Variants in CACNG2 observed in about 807,000 individuals in gnomAD.
CACNG2 encodes voltage-dependent calcium channel gamma-2 subunit.
A neutral mutation model predicts 25.9 loss-of-function variants in CACNG2; 3 were observed. That is an observed-to-expected ratio of 0.12 (90% confidence interval 0.05 to 0.30). The LOEUF (loss-of-function observed/expected upper bound fraction) is 0.30, where lower values mean the gene tolerates loss of function less well. Among genes scored for constraint, CACNG2 ranks in the 10% least tolerant of loss-of-function variants. The probability of loss-of-function intolerance (pLI) is 1.00; values close to 1 mark genes in which losing one functional copy is unlikely to be tolerated. For synonymous variants in CACNG2, 167 were observed against 173.3 expected (o/e 0.96, Z 0.29); for missense variants, 341 against 432.5 (o/e 0.79, Z 1.88).
intron 1 of CACNG2, among the ~76,000 whole-genome samples, chr22:36,655,012 GC>G (rs1936682654): frequency 6.6e-6 from 1 of 152,026 alleles, no homozygotes; most frequent in African/African-American, 2.4e-5. Flanking sequence ...ACTAAGCGGA[GC>G]TGTGATTTGG....
intron 1 of CACNG2, among the ~76,000 whole-genome samples, chr22:36,605,090 T>C (rs1935811583): frequency 6.6e-6 from 1 of 152,136 alleles, no homozygotes; most frequent in African/African-American, 2.4e-5. Flanking sequence ...TAACTTTTTT[T>C]TTGAGACAGA....
At chr22:36,698,593 C>T (rs1415830886) in intron 1 of CACNG2, among the ~76,000 whole-genome samples, 1 of 152,142 alleles carries the variant, frequency 6.6e-6, no homozygotes, top group African/African-American at 2.4e-5. Flanking sequence ...ACTTCTTGCT[C>T]AAAGAGAACA....
At chr22:36,686,950 A>G (rs991083243) in intron 1 of CACNG2, among the ~76,000 whole-genome samples, 1 of 152,220 alleles carries the variant, frequency 6.6e-6, no homozygotes. Context: ...AGATTTCCCT[A>G]TAGCTAATGT....
chr22:36,596,598 A>G (rs1486128617), intron 1 of CACNG2, among the ~76,000 whole-genome samples: 1 of 152,122 alleles, frequency 6.6e-6, no homozygotes, highest in Admixed American at 6.5e-5. Flanking sequence ...GAGATGAAGT[A>G]AGTGGTCTGT....
At chr22:36,604,652 A>T (rs1017730266) in intron 1 of CACNG2, among the ~76,000 whole-genome samples, 1 of 152,234 alleles carries the variant, frequency 6.6e-6, no homozygotes, top group Admixed American at 6.5e-5. Flanking sequence ...CAAAAAGATG[A>T]TGGCACACTG....
At chr22:36,607,726 T>A (rs1428329504) in intron 1 of CACNG2, among the ~76,000 whole-genome samples, 1 of 152,184 alleles carries the variant, frequency 6.6e-6, no homozygotes, top group Non-Finnish European at 1.5e-5. Context: ...GACACACCCC[T>A]GCTCAGAAAT....
In CACNG2 at chr22:36,624,929, G is replaced by A. The variant is rs1051368631; in HGVS notation, c.212-37381C>T. On this transcript the variant is annotated intron_variant, in intron 1 of 3. Coordinates refer to ENST00000300105, the MANE Select transcript of CACNG2 (RefSeq NM_006078.5). Reference sequence around the variant, plus strand: ...TATAATTCCAGCTACTTGGGAGGCTGAGGTAGGAGAATCGCTCGAACCAGT... The same window carrying A: ...TATAATTCCAGCTACTTGGGAGGCTAAGGTAGGAGAATCGCTCGAACCAGT... Among the ~76,000 whole-genome samples, 3 of 150,066 alleles carry A rather than the reference G, an allele frequency of 2.0e-5. No individual in the cohort carries two copies. In the East Asian group the frequency reaches 6.0e-4, roughly 30 times the overall value.
chr22:36,626,770 A>G (rs1397956979), intron 1 of CACNG2, among the ~76,000 whole-genome samples: 1 of 152,214 alleles, frequency 6.6e-6, no homozygotes, highest in East Asian at 1.9e-4. Flanking sequence ...GTTGATTAAG[A>G]GTCTGTAGCT....
At chr22:36,662,475 A>C (rs1936813194) in intron 1 of CACNG2, among the ~76,000 whole-genome samples, 1 of 152,098 alleles carries the variant, frequency 6.6e-6, no homozygotes, top group Admixed American at 6.5e-5. Flanking sequence ...AAATCATGAC[A>C]TGAATTACAC....
intron 1 of CACNG2, among the ~76,000 whole-genome samples, chr22:36,614,768 G>T (rs996417677): frequency 6.6e-6 from 1 of 152,164 alleles, no homozygotes; most frequent in Non-Finnish European, 1.5e-5. Context: ...CACACCTATT[G>T]ACTCAAAGGA....
intron 1 of CACNG2, among the ~76,000 whole-genome samples, chr22:36,679,496 C>T (rs1468186681): frequency 6.6e-6 from 1 of 152,044 alleles, no homozygotes; most frequent in Non-Finnish European, 1.5e-5. Flanking sequence ...TTTATTTATC[C>T]ACTAGGAACC....
At chr22:36,647,677 T>G (rs1467367621) in intron 1 of CACNG2, among the ~76,000 whole-genome samples, 2 of 152,220 alleles carry the variant, frequency 1.3e-5, no homozygotes, top group African/African-American at 4.8e-5. Context: ...TCCTTCATTA[T>G]CTCAATTTGC....
intron 1 of CACNG2, among the ~76,000 whole-genome samples, chr22:36,653,917 G>A (rs987648387): frequency 2.3e-5 from 2 of 85,798 alleles, no homozygotes; most frequent in African/African-American, 5.6e-5. Context: ...ACAGACGTTA[G>A]ATTTTTTTTT....
At chr22:36,635,657 A>T (rs1936346176) in intron 1 of CACNG2, among the ~76,000 whole-genome samples, 1 of 151,878 alleles carries the variant, frequency 6.6e-6, no homozygotes, top group South Asian at 2.1e-4. Context: ...GGTATCTTGA[A>T]ACTCCCTACA....
Position 36,562,924 on chromosome 22 carries a change from A to G in CACNG2, c.*1427T>C, listed in dbSNP as rs2145901083. 6.6e-6 allele frequency: 1 copy of G among 152,002 alleles called. No individual in the cohort carries two copies. The highest frequency in any genetic ancestry group is 1.9e-4 in the East Asian group (1 of 5,180). 9.4% of individuals were successfully genotyped at this position (152,002 alleles called of 1,614,324 possible). ...CACAACGGTTTTGCTTTGTTTTTGT[A>G]AATGGATTTGTATATTCGTTTTCTG... On this transcript the variant is annotated 3_prime_UTR_variant, in exon 4 of 4. Transcript: ENST00000300105.
chr22:36,691,835 C>T (rs1358663192), intron 1 of CACNG2, among the ~76,000 whole-genome samples: 1 of 152,122 alleles, frequency 6.6e-6, no homozygotes, highest in African/African-American at 2.4e-5. Flanking sequence ...ATTATTGTTA[C>T]TATTAGTATT....
chr22:36,673,327 C>A (rs915338873), intron 1 of CACNG2, among the ~76,000 whole-genome samples: 5 of 152,050 alleles, frequency 3.3e-5, no homozygotes, highest in Non-Finnish European at 5.9e-5. Flanking sequence ...GAGAAGAAGG[C>A]AATTGATCAA....
chr22:36,576,451 A>C (rs1041099402), intron 2 of CACNG2, among the ~76,000 whole-genome samples: 2 of 152,026 alleles, frequency 1.3e-5, no homozygotes, highest in African/African-American at 4.8e-5. Flanking sequence ...TGATGGGTGC[A>C]CCACAATCTC....
rs990743719 is a variant in CACNG2, at chr22:36,563,369, G to T, written c.*982C>A. Among the ~76,000 whole-genome samples, 1 of 23,614 alleles carries T rather than the reference G, an allele frequency of 4.2e-5. No homozygotes were observed. The highest frequency in any genetic ancestry group is 7.8e-5 in the Non-Finnish European group (1 of 12,888). The allele number at this position is 23,614 out of a possible 152,430, so 15.5% of individuals were successfully genotyped here. ...GGGAGAGCTGTTTCATGTCCCCCGG[G>T]GGGGGGGGTGGCATCTCCTGACCCC... On this transcript the variant is annotated 3_prime_UTR_variant, in exon 4 of 4. Transcript: ENST00000300105.
Sources: gnomAD v4.1 joint callset for allele counts (sites outside exome capture counted in the v4.1 genomes callset) on GRCh38, gnomAD v4.1.1 for gene constraint, MANE v1.5 for transcripts, NCBI Gene and HGNC (gene_info 2026-07-23, HGNC 2026-07-21) for gene names.